Variants in ECT2 observed in about 807,000 individuals in gnomAD.
The protein encoded by ECT2 is epithelial cell transforming 2, also known as protein ECT2.
ECT2 carries 61 observed loss-of-function variants against 116.9 expected under a neutral mutation model. The ratio of observed to expected loss-of-function variants is 0.52; its 90% CI spans 0.42 to 0.65. The LOEUF (loss-of-function observed/expected upper bound fraction) is 0.65. ECT2 is among the 30% of genes least tolerant of loss of function. The pLI, the probability that ECT2 is intolerant of heterozygous loss-of-function variation, is 0.00. For missense variants in ECT2, 937 were observed against 1,078.7 expected, an observed-to-expected ratio of 0.87 and a Z score of 1.84; for synonymous variants, 358 against 346.4, an observed-to-expected ratio of 1.03 and a Z score of -0.37.
chr3:172,785,549 A>G (rs1723464023), intron 17 of ECT2, among the ~76,000 whole-genome samples: 2 of 151,970 alleles, frequency 1.3e-5, no homozygotes, highest in African/African-American at 4.8e-5. Flanking sequence ...ACTAAATTAT[A>G]AACAGGAAAA....
intron 18 of ECT2, 69 bp downstream of exon 18, chr3:172,786,643 C>A: frequency 1.9e-6 from 2 of 1,053,254 alleles, no homozygotes; most frequent in Non-Finnish European, 1.4e-6. Flanking sequence ...AAACTAGAAT[C>A]ATAAATAGGA....
chr3:172,795,505 T>C (rs1436120840), intron 18 of ECT2, among the ~76,000 whole-genome samples: 3 of 152,166 alleles, frequency 2.0e-5, no homozygotes, highest in Non-Finnish European at 2.9e-5. Context: ...ATTATTGATT[T>C]AATAAAAACA....
chr3:172,827,235 C>G, the ECT2 span, among the ~76,000 whole-genome samples: 18 of 152,066 alleles, frequency 1.2e-4, no homozygotes, highest in Non-Finnish European at 2.4e-4. Context: ...CTCAAAAAAG[C>G]TAAAAATGGA....
chr3:172,788,925 G>A lies in ECT2; in HGVS notation c.1907+2351G>A, dbSNP rs995113564. Reference sequence around the variant, plus strand: ...ATACAAAAATTAGCTGGGCATGGTTGTGGGTGCCTGTAATCCCAGCTACTT... The same window carrying A: ...ATACAAAAATTAGCTGGGCATGGTTATGGGTGCCTGTAATCCCAGCTACTT... On this transcript the variant is annotated intron_variant, in intron 18 of 24. Coordinates refer to ENST00000392692, the MANE Select transcript of ECT2 (RefSeq NM_001258315.2). 2.0e-5 allele frequency among the ~76,000 whole-genome samples: 3 copies of A among 152,166 alleles called. No individual in the cohort carries two copies. In the East Asian group the frequency reaches 5.8e-4, roughly 30 times the overall value.
chr3:172,800,105 A>G (rs2108986842), intron 18 of ECT2, among the ~76,000 whole-genome samples: 1 of 152,356 alleles, frequency 6.6e-6, no homozygotes, highest in African/African-American at 2.4e-5. Context: ...CTTTGCTGTC[A>G]GAGAAAGATC....
intron 11 of ECT2, 48 bp downstream of exon 11, chr3:172,763,020 G>T (rs1718640743): frequency 6.3e-7 from 1 of 1,583,606 alleles, no homozygotes; most frequent in Non-Finnish European, 8.6e-7. Context: ...TTGATTGTTT[G>T]AAAATAACAC....
chr3:172,821,857 A>C (rs925671784), downstream of ECT2, among the ~76,000 whole-genome samples: 1 of 151,874 alleles, frequency 6.6e-6, no homozygotes, highest in Non-Finnish European at 1.5e-5. Context: ...TGTATTGACT[A>C]TACACTGGCA....
At chr3:172,781,661 C>A (rs1722718662) in intron 14 of ECT2, among the ~76,000 whole-genome samples, 1 of 152,146 alleles carries the variant, frequency 6.6e-6, no homozygotes, top group Admixed American at 6.6e-5. Flanking sequence ...AACTATGGTT[C>A]ATGGGCCAAA....
chr3:172,805,199 T>G (rs1727458778), intron 20 of ECT2, among the ~76,000 whole-genome samples: 1 of 149,676 alleles, frequency 6.7e-6, no homozygotes, highest in Non-Finnish European at 1.5e-5. Context: ...AATGACAGAT[T>G]ATGTTATACT....
chr3:172,767,909 T>G (rs1335536147), intron 12 of ECT2, among the ~76,000 whole-genome samples: 1 of 152,050 alleles, frequency 6.6e-6, no homozygotes, highest in Non-Finnish European at 1.5e-5. Context: ...TTTTTGTATT[T>G]TTAGTAGAGA....
At chr3:172,758,486 GAC>G (rs1049048713) in intron 5 of ECT2, among the ~76,000 whole-genome samples, 5 of 50,764 alleles carry the variant, frequency 9.8e-5, no homozygotes, top group Non-Finnish European at 2.0e-4. Context: ...CACACACACA[GAC>G]ACACACACAC....
chr3:172,759,655 A>G (rs1050119979), intron 6 of ECT2, among the ~76,000 whole-genome samples: 4 of 152,038 alleles, frequency 2.6e-5, no homozygotes, highest in African/African-American at 9.7e-5. Context: ...CGTGTTAGCC[A>G]GGATGGTCTT....
intron 17 of ECT2, among the ~76,000 whole-genome samples, chr3:172,785,282 T>C (rs1723417796): frequency 1.3e-5 from 2 of 152,308 alleles, no homozygotes; most frequent in African/African-American, 4.8e-5. Context: ...TAGGTATCAA[T>C]AGAGTTTTAC....
At chr3:172,772,150 G>A (rs35420742) in intron 13 of ECT2, among the ~76,000 whole-genome samples, 20,716 of 151,870 alleles carry the variant, frequency 0.14, 1,682 homozygotes, top group Non-Finnish European at 0.18. Context: ...ACAGGCATGT[G>A]CCACCACACC....
intron 22 of ECT2, among the ~76,000 whole-genome samples, chr3:172,808,829 A>G (rs905952116): frequency 6.6e-6 from 1 of 152,222 alleles, no homozygotes; most frequent in African/African-American, 2.4e-5. Flanking sequence ...AATGTGGTTT[A>G]TAAAGTAAGT....
At chr3:172,828,776 C>A in the ECT2 span, 10 of 635,918 alleles carry the variant, frequency 1.6e-5, no homozygotes, top group Non-Finnish European at 2.9e-5. Context: ...AACAGAAGAA[C>A]CCCCCATGGC....
rs922287075 is a variant in ECT2 at position 172,755,562 on chromosome 3, G to A, written c.290G>A (p.Ser97Asn). Residue 97 changes from serine to asparagine, a missense_variant, in exon 4 of 25, where the codon AGT becomes AAT. Ser to Asn is a conservative substitution (Grantham distance 46). Transcript: ENST00000392692. ...AAATCGGATGAAAAATTAATAAAAA[G>A]TGTTATTAATATGGTAGGTCAAAGT... is the stretch of plus-strand genomic sequence containing the variant. Reference protein sequence around the residue: ...PGKSDEKLIKSVINMDIKVGF... With the variant: ...PGKSDEKLIKNVINMDIKVGF... 2.8e-6 allele frequency: 4 copies of A among 1,448,016 alleles called. No homozygotes were observed. The highest frequency in any genetic ancestry group is 3.7e-6 in the Non-Finnish European group (4 of 1,073,094). The allele number at this position is 1,448,016 out of a possible 1,614,324, so 89.7% of individuals were successfully genotyped here.
intron 18 of ECT2, among the ~76,000 whole-genome samples, chr3:172,802,183 T>C (rs538285089): frequency 6.6e-6 from 1 of 152,184 alleles, no homozygotes; most frequent in Admixed American, 6.6e-5. Flanking sequence ...GGTGTGATCT[T>C]GACTCACTGC....
intron 18 of ECT2, among the ~76,000 whole-genome samples, chr3:172,797,750 A>T (rs1016703804): frequency 1.3e-5 from 2 of 152,236 alleles, no homozygotes; most frequent in Admixed American, 1.3e-4. Context: ...TGTTTTATCA[A>T]GAAAATGTCC....
Sources: gnomAD v4.1 joint callset for allele counts (sites outside exome capture counted in the v4.1 genomes callset) on GRCh38, gnomAD v4.1.1 for gene constraint, MANE v1.5 for transcripts, NCBI Gene and HGNC (gene_info 2026-07-23, HGNC 2026-07-21) for gene names.